Variants in NDEL1 observed in about 807,000 individuals in gnomAD.
The protein encoded by NDEL1 is nudE neurodevelopment protein 1 like 1, also known as nuclear distribution protein nudE-like 1.
A neutral mutation model predicts 45.7 loss-of-function variants in NDEL1; 9 were observed. That is an observed-to-expected ratio of 0.20 (90% CI 0.12 to 0.34). The LOEUF (loss-of-function observed/expected upper bound fraction) is 0.34, where lower values mean the gene tolerates loss of function less well. Among genes scored for constraint, NDEL1 ranks in the 10% least tolerant of loss-of-function variants. The probability of loss-of-function intolerance (pLI) is 1.00; values close to 1 mark genes in which losing one functional copy is unlikely to be tolerated. For synonymous variants in NDEL1, 133 were observed against 158.6 expected, an observed-to-expected ratio of 0.84 and a Z score of 1.21; for missense variants, 306 against 406.2, an observed-to-expected ratio of 0.75 and a Z score of 2.12.
upstream of NDEL1, among the ~76,000 whole-genome samples, chr17:8,433,834 G>A (rs1256930660): frequency 6.6e-6 from 1 of 151,916 alleles, no homozygotes; most frequent in African/African-American, 2.4e-5. Flanking sequence ...AAAAAAAATT[G>A]GAAATCCATG....
chr17:8,428,776 C>G (rs1401641557), intron 1 of NDEL1, among the ~76,000 whole-genome samples: 2 of 151,416 alleles, frequency 1.3e-5, no homozygotes, highest in Non-Finnish European at 3.0e-5. Context: ...CAGGTTCACA[C>G]CATTCTCCTG....
intron 4 of NDEL1, among the ~76,000 whole-genome samples, chr17:8,447,982 C>CGGGGGGGGTGGGGGGGGGGGGGG (rs1910198714): frequency 9.3e-6 from 1 of 107,714 alleles, no homozygotes; most frequent in Non-Finnish European, 1.9e-5. Context: ...GGGAGGTGGG[C>CGGGGGGGGTGGGGGGGGGGGGGG]GGGGGGGGGG....
At chr17:8,437,151 G>A (rs1479146292) in intron 1 of NDEL1, among the ~76,000 whole-genome samples, 1 of 152,228 alleles carries the variant, frequency 6.6e-6, no homozygotes, top group Non-Finnish European at 1.5e-5. Context: ...TCGTGAAGTT[G>A]ATGGGCACAG....
At chr17:8,419,090 T>C (rs994562996) in intron 1 of NDEL1, among the ~76,000 whole-genome samples, 9 of 152,046 alleles carry the variant, frequency 5.9e-5, no homozygotes, top group Admixed American at 2.6e-4. Context: ...CCTCAAACAA[T>C]CCTCCTGCCT....
chr17:8,413,774 A>AT (rs971248760), intron 1 of NDEL1, among the ~76,000 whole-genome samples: 2 of 152,124 alleles, frequency 1.3e-5, no homozygotes, highest in Admixed American at 6.5e-5. Context: ...AGACATCTCT[A>AT]TTTTTTTGGA....
At chr17:8,426,366 C>T (rs1908831494) in intron 1 of NDEL1, among the ~76,000 whole-genome samples, 1 of 152,138 alleles carries the variant, frequency 6.6e-6, no homozygotes, top group Admixed American at 6.5e-5. Context: ...TCTTTTCAGC[C>T]CCGTCATTTC....
upstream of NDEL1, chr17:8,435,706 C>T (rs1359718672): frequency 6.0e-6 from 2 of 332,028 alleles, no homozygotes; most frequent in Non-Finnish European, 1.2e-5. Context: ...TCCAGGAGCG[C>T]CTGCGCAAGA....
chr17:8,432,352 A>ATATATATATAT (rs1567722392), upstream of NDEL1, among the ~76,000 whole-genome samples: 1 of 28,736 alleles, frequency 3.5e-5, no homozygotes, highest in East Asian at 1.2e-3. Flanking sequence ...ATATAAATAT[A>ATATATATATAT]AATATAAATA....
chr17:8,472,859 C>G (rs538006474), downstream of NDEL1, among the ~76,000 whole-genome samples: 73 of 152,188 alleles, frequency 4.8e-4, no homozygotes, highest in Non-Finnish European at 9.0e-4. Context: ...AAAGAGCAAG[C>G]CTTTCCCAAG....
chr17:8,446,014 C>T (rs1910057549), intron 3 of NDEL1, 150 bp downstream of exon 3: 3 of 751,826 alleles, frequency 4.0e-6, no homozygotes, highest in Non-Finnish European at 5.6e-6. Context: ...TTTTCTTTCA[C>T]GGAACCAGGG....
downstream of NDEL1, among the ~76,000 whole-genome samples, chr17:8,470,516 G>C (rs1199204012): frequency 2.0e-5 from 3 of 152,264 alleles, no homozygotes; most frequent in South Asian, 6.2e-4. This position sits in a 1 kb window ranked among gnomAD's most constrained non-coding sequence, Gnocchi z 4.2. Flanking sequence ...TGAGACCCAG[G>C]AGCCAAAGCT....
intron 7 of NDEL1, among the ~76,000 whole-genome samples, chr17:8,457,992 T>A (rs1198507038): frequency 6.6e-6 from 1 of 152,238 alleles, no homozygotes; most frequent in African/African-American, 2.4e-5. Context: ...TAAAGCTTCT[T>A]GAAAGCGTGT....
In NDEL1 at chr17:8,463,298, A is replaced by G. The variant is rs1462077425; in HGVS notation, c.944+3138A>G. 8.8e-6 allele frequency: 14 copies of G among 1,599,218 alleles called. No homozygotes were observed. The African/African-American group carries it at 1.5e-4, about 17-fold the overall frequency. ...AATAGTATTCGTATTACTGTTTAAT[A>G]TGTTCTCCTTTCTTTTATTAGGCAA... On this transcript the variant is annotated intron_variant, in intron 8 of 8. Transcript: ENST00000334527.
chr17:8,452,529 T>C (rs1910572431), intron 6 of NDEL1, among the ~76,000 whole-genome samples: 1 of 152,196 alleles, frequency 6.6e-6, no homozygotes, highest in African/African-American at 2.4e-5. Context: ...TGCTGTGTAC[T>C]AGATCACTGC....
intron 3 of NDEL1, among the ~76,000 whole-genome samples, chr17:8,473,966 G>A (rs1912074002): frequency 6.6e-6 from 1 of 152,220 alleles, no homozygotes; most frequent in Non-Finnish European, 1.5e-5. Context: ...CCCTTGACAG[G>A]TGGGCCAGCT....
chr17:8,448,083 C>T (rs1259969959), intron 4 of NDEL1, among the ~76,000 whole-genome samples: 1 of 152,136 alleles, frequency 6.6e-6, no homozygotes, highest in South Asian at 2.1e-4. Flanking sequence ...AAGGGAATAG[C>T]TTCTGGTCCT....
At chr17:8,448,369 G>T (rs564937110) in intron 4 of NDEL1, among the ~76,000 whole-genome samples, 181 bp from the exon 5 acceptor site, 3 of 152,202 alleles carry the variant, frequency 2.0e-5, no homozygotes, top group East Asian at 3.9e-4. Flanking sequence ...TGTATATATT[G>T]CCCAACTGAT....
downstream of NDEL1, among the ~76,000 whole-genome samples, chr17:8,472,381 T>C (rs1911861803): frequency 6.6e-6 from 1 of 152,166 alleles, no homozygotes; most frequent in Non-Finnish European, 1.5e-5. Context: ...TAGCTGGGCA[T>C]GGTGGCTCAC....
intron 7 of NDEL1, among the ~76,000 whole-genome samples, chr17:8,458,920 C>T (rs1231129968): frequency 6.6e-6 from 1 of 151,998 alleles, no homozygotes; most frequent in Non-Finnish European, 1.5e-5. Flanking sequence ...TTAGTAGAGA[C>T]AGGGTTTTAC....
Sources: allele counts gnomAD v4.1 joint callset (sites outside exome capture counted in the v4.1 genomes callset), GRCh38; gene constraint gnomAD v4.1.1; non-coding constraint Gnocchi (gnomAD v3.1); transcripts MANE v1.5; gene names NCBI Gene and HGNC (gene_info 2026-07-23, HGNC 2026-07-21).